The following HNRNPD variants were observed in gnomAD, a reference collection of about 807,000 sequenced individuals.
The protein encoded by HNRNPD is heterogeneous nuclear ribonucleoprotein D0.
In HNRNPD, 3 loss-of-function variants were observed where a neutral mutation model predicts 47.9. The observed-to-expected ratio is 0.06, with a 90% CI of 0.03 to 0.16. The LOEUF (loss-of-function observed/expected upper bound fraction) is 0.16, where lower values mean the gene tolerates loss of function less well. Among genes scored for constraint, HNRNPD ranks in the 10% least tolerant of loss-of-function variants. The pLI, the probability that HNRNPD is intolerant of heterozygous loss-of-function variation, is 1.00. For missense variants in HNRNPD, 287 were observed against 454.2 expected (o/e 0.63, Z 3.35); for synonymous variants, 171 against 165.1 (o/e 1.04, Z -0.28).
intron 2 of HNRNPD, among the ~76,000 whole-genome samples, chr4:82,370,981 T>TAC (rs1553896641): frequency 0.34 from 50,933 of 149,314 alleles, 9,872 homozygotes; most frequent in South Asian, 0.55. Flanking sequence ...GGTATATATA[T>TAC]ACACACACAC....
chr4:82,373,696 C>T lies in HNRNPD; in HGVS notation c.-18G>A, dbSNP rs113847917. ...TCCGACATAGTGCTAGTGTCTCCGCCGCTGCCGCCGAGACTACACCCGCCG... is the reference window on the plus strand; with the variant it reads ...TCCGACATAGTGCTAGTGTCTCCGCTGCTGCCGCCGAGACTACACCCGCCG... On this transcript the variant is annotated 5_prime_UTR_variant, in exon 1 of 9. Coordinates refer to ENST00000313899, the MANE Select transcript of HNRNPD (RefSeq NM_031370.3). The T allele has an allele frequency of 3.3e-4, 494 of 1,512,434 alleles. 3 individuals are homozygous for T. The African/African-American group carries it at 6.3e-3, about 19-fold the overall frequency. The allele number at this position is 1,512,434 out of a possible 1,614,324, so 93.7% of individuals were successfully genotyped here.
chr4:82,363,136 G>A (rs1719573855), intron 2 of HNRNPD, among the ~76,000 whole-genome samples: 2 of 151,640 alleles, frequency 1.3e-5, no homozygotes, highest in Admixed American at 1.3e-4. Flanking sequence ...GAGTGCAATG[G>A]CATGATCTAG....
intron 2 of HNRNPD, among the ~76,000 whole-genome samples, chr4:82,360,830 T>A (rs2109993071): frequency 6.6e-6 from 1 of 152,304 alleles, no homozygotes; most frequent in South Asian, 2.1e-4. Context: ...CTTTCTTCAC[T>A]TCCTCCAAGA....
At chr4:82,364,220 G>A (rs1348569246) in intron 2 of HNRNPD, among the ~76,000 whole-genome samples, 1 of 152,086 alleles carries the variant, frequency 6.6e-6, no homozygotes, top group Non-Finnish European at 1.5e-5. Flanking sequence ...GCCCACCTCA[G>A]CCTCCCAAAG....
intron 2 of HNRNPD, among the ~76,000 whole-genome samples, chr4:82,362,790 G>A (rs1164212687): frequency 6.6e-6 from 1 of 152,056 alleles, no homozygotes; most frequent in Non-Finnish European, 1.5e-5. Context: ...AGTAGAGACG[G>A]GGTTTCCCCT....
At chr4:82,362,003 C>T (rs781297291) in intron 2 of HNRNPD, among the ~76,000 whole-genome samples, 21 of 152,208 alleles carry the variant, frequency 1.4e-4, no homozygotes, top group Non-Finnish European at 2.8e-4. Context: ...TATTCCACCT[C>T]CCTTAAAGCA....
chr4:82,367,838 G>A (rs1719840011), intron 2 of HNRNPD, among the ~76,000 whole-genome samples: 1 of 152,084 alleles, frequency 6.6e-6, no homozygotes, highest in African/African-American at 2.4e-5. Flanking sequence ...CAACTATTAG[G>A]GCACTGGATA....
chr4:82,353,612 T>C lies in HNRNPD; in HGVS notation c.*573A>G, dbSNP rs1345498681. Reference sequence around the variant, plus strand: ...TTAATGGCTACATAAGGAAGTATTATTAAAACAACCAACAAACAAATTGAC... The same window carrying C: ...TTAATGGCTACATAAGGAAGTATTACTAAAACAACCAACAAACAAATTGAC... On this transcript the variant is annotated 3_prime_UTR_variant, in exon 9 of 9. Coordinates refer to ENST00000313899, the MANE Select transcript of HNRNPD (RefSeq NM_031370.3). 6.6e-6 allele frequency: 1 copy of C among 152,636 alleles called. No individual in the cohort carries two copies. Among genetic ancestry groups the C allele is most frequent in the Non-Finnish European group, 1.5e-5 (1 of 68,038 alleles). 9.5% of individuals were successfully genotyped at this position (152,636 alleles called of 1,614,324 possible). A position where few individuals can be genotyped will look rare whatever the true frequency, so the allele number is the denominator to read the frequency against.
intron 2 of HNRNPD, among the ~76,000 whole-genome samples, chr4:82,367,660 A>G (rs1021635104): frequency 3.9e-5 from 6 of 152,148 alleles, no homozygotes; most frequent in African/African-American, 1.4e-4. Context: ...TGCAAGACCC[A>G]ATACTTAAAC....
Position 82,356,828 on chromosome 4 carries a change from C to G in HNRNPD, c.821G>C (p.Gly274Ala). ...TCTTCCACGAGCTCTTCCTGCAAAT[C>G]CTCCTCTAGATCCCCACTGTTGCTG... ...QQQQQWGSRG[G>A]FAGRARGRGG... Residue 274 changes from glycine (G) to alanine (A), a missense_variant, in exon 6 of 9, where the codon GGA becomes GCA. Coordinates refer to ENST00000313899, the MANE Select transcript of HNRNPD (RefSeq NM_031370.3). 1.2e-6 allele frequency: 2 copies of G among 1,614,142 alleles called. No homozygotes were observed. Among genetic ancestry groups the G allele is most frequent in the Non-Finnish European group, 8.5e-7 (1 of 1,179,984 alleles).
At chr4:82,372,986 G>A (rs188193493) in intron 1 of HNRNPD, 3 of 351,892 alleles carry the variant, frequency 8.5e-6, no homozygotes, top group African/African-American at 4.3e-5. Context: ...CAATCGCATC[G>A]TTTCAGGATG....
intron 2 of HNRNPD, among the ~76,000 whole-genome samples, chr4:82,370,974 A>ATG: frequency 1.1e-5 from 1 of 94,072 alleles, no homozygotes; most frequent in East Asian, 5.0e-4. Context: ...TTTTAATGGT[A>ATG]TATATATACA....
intron 2 of HNRNPD, among the ~76,000 whole-genome samples, chr4:82,364,558 T>G (rs1466394923): frequency 6.6e-6 from 1 of 152,180 alleles, no homozygotes; most frequent in African/African-American, 2.4e-5. Context: ...CTTTCCAACA[T>G]TAAAAGGAAA....
intron 1 of HNRNPD, chr4:82,373,145 G>A: frequency 1.6e-6 from 1 of 612,118 alleles, no homozygotes; most frequent in East Asian, 3.5e-5. Context: ...AAAAATCCTG[G>A]CGGCTAAGTC....
intron 1 of HNRNPD, chr4:82,373,036 G>A (rs1055696435): frequency 1.2e-5 from 5 of 431,876 alleles, no homozygotes; most frequent in Admixed American, 2.8e-5. Context: ...TACAAACAGA[G>A]AAGCTGTTTG....
At chr4:82,373,406 AC>A (rs1414447518) in intron 1 of HNRNPD, 39 bp downstream of exon 1, 14 of 1,521,834 alleles carry the variant, frequency 9.2e-6, no homozygotes, top group Non-Finnish European at 1.1e-5. Context: ...GGGGAGGGGG[AC>A]TAGTTGGGCC....
chr4:82,356,475 C>T (rs1263821152), intron 7 of HNRNPD, 62 bp downstream of exon 7: 2 of 1,375,324 alleles, frequency 1.5e-6, no homozygotes, highest in African/African-American at 1.4e-5. Context: ...ACCTTTCTGC[C>T]TATCCAAATT....
At chr4:82,370,570 C>T (rs1012576400) in intron 2 of HNRNPD, among the ~76,000 whole-genome samples, 1 of 151,998 alleles carries the variant, frequency 6.6e-6, no homozygotes, top group Non-Finnish European at 1.5e-5. Context: ...GCCTGTTTCC[C>T]ATCTGCTTTT....
At chr4:82,370,766 A>G (rs1720001807) in intron 2 of HNRNPD, among the ~76,000 whole-genome samples, 1 of 152,176 alleles carries the variant, frequency 6.6e-6, no homozygotes, top group Admixed American at 6.5e-5. Flanking sequence ...TTCAAATATA[A>G]TCCTAAAAGC....
Sources: gnomAD v4.1 joint callset for allele counts (sites outside exome capture counted in the v4.1 genomes callset) on GRCh38, gnomAD v4.1.1 for gene constraint, MANE v1.5 for transcripts, NCBI Gene and HGNC (gene_info 2026-07-23, HGNC 2026-07-21) for gene names.